The following NDUFV2 variants were observed in gnomAD, a reference collection of about 807,000 sequenced individuals.
NDUFV2 encodes the protein NADH:ubiquinone oxidoreductase core subunit V2.
NDUFV2 carries 18 observed loss-of-function variants against 31.6 expected under a neutral mutation model. The observed-to-expected ratio is 0.57, with a 90% CI of 0.39 to 0.84. NDUFV2 has a LOEUF of 0.84. NDUFV2 is among the 40% of genes least tolerant of loss of function. NDUFV2 has a pLI of 0.00. For synonymous variants in NDUFV2, 83 were observed against 99.8 expected, an observed-to-expected ratio of 0.83 and a Z score of 1.01; for missense variants, 314 against 303.6, an observed-to-expected ratio of 1.03 and a Z score of -0.26.
intron 1 of NDUFV2, among the ~76,000 whole-genome samples, chr18:9,106,983 TAG>T (rs1246618238): frequency 6.6e-6 from 1 of 151,442 alleles, no homozygotes; most frequent in Non-Finnish European, 1.5e-5. Context: ...TGGGCCCACC[TAG>T]ATAATCCAGG....
chr18:9,104,261 A>G lies in NDUFV2; in HGVS notation c.54+1464A>G, dbSNP rs376267029. 1.0e-4 allele frequency: 166 copies of G among 1,612,392 alleles called. No homozygotes were observed. The African/African-American group carries it at 1.5e-3, about 15-fold the overall frequency. On this transcript the variant is annotated intron_variant, in intron 1 of 7. Coordinates refer to ENST00000318388, the MANE Select transcript of NDUFV2 (RefSeq NM_021074.5). Reference sequence around the variant, plus strand: ...TTCCCAAATGAAATAAGGGAGAGACAGGGGCCAGATATTGGAGCTCCTGGC... The same window carrying G: ...TTCCCAAATGAAATAAGGGAGAGACGGGGGCCAGATATTGGAGCTCCTGGC...
At chr18:9,130,962 G>A (rs970238067) in intron 7 of NDUFV2, among the ~76,000 whole-genome samples, 4 of 152,162 alleles carry the variant, frequency 2.6e-5, no homozygotes, top group Admixed American at 1.3e-4. Flanking sequence ...CACCATGGGC[G>A]TTAGGGACAT....
intron 6 of NDUFV2, 194 bp from the exon 7 acceptor site, chr18:9,126,637 G>C: frequency 1.8e-6 from 1 of 544,994 alleles, no homozygotes; most frequent in Non-Finnish European, 3.4e-6. Flanking sequence ...GATTTCAGCC[G>C]TAGAAAGTAA....
chr18:9,116,455 CTAAGA>C (rs1250991266), intron 1 of NDUFV2, among the ~76,000 whole-genome samples: 2 of 152,102 alleles, frequency 1.3e-5, no homozygotes, highest in East Asian at 3.8e-4. Flanking sequence ...ATTTTCTGAG[CTAAGA>C]TGACAGTGAC....
intron 1 of NDUFV2, among the ~76,000 whole-genome samples, chr18:9,108,533 A>G (rs2077853062): frequency 6.6e-6 from 1 of 152,142 alleles, no homozygotes; most frequent in Non-Finnish European, 1.5e-5. Flanking sequence ...AGAGGAATAA[A>G]TGGATTATAG....
In NDUFV2 at chr18:9,119,311, G is replaced by GT; in HGVS notation, c.121-10dup. On this transcript the variant is annotated splice_polypyrimidine_tract_variant and intron_variant, in intron 2 of 7. Transcript: ENST00000318388. ...AGAATTTGGATAAGTCTGAAAAACT[G>GT]TTTTTGTTGTGTAGCACAGAGATAC... is the stretch of plus-strand genomic sequence containing the variant. 2 of 1,607,012 alleles carry GT rather than the reference G, an allele frequency of 1.2e-6. No homozygotes were observed. Among genetic ancestry groups the GT allele is most frequent in the Admixed American group, 1.7e-5 (1 of 59,994 alleles).
rs573060361 is a variant in NDUFV2 at position 9,104,809 on chromosome 18, TACAC to T, written c.54+2015_54+2018del. On this transcript the variant is annotated intron_variant, in intron 1 of 7. Transcript: ENST00000318388. ...GTTGATGAATAAGTTTAATTTTTAT[TACAC>T]ACGTCATACGTGTGTAGAAAAAACA... The T allele has an allele frequency of 1.2e-3, 1,057 of 905,812 alleles. 1 individual carries two copies. The highest frequency in any genetic ancestry group is 4.9e-3 in the African/African-American group (293 of 59,630). 56.1% of individuals were successfully genotyped at this position (905,812 alleles called of 1,614,324 possible).
At chr18:9,125,542 T>G (rs1200522591) in intron 6 of NDUFV2, among the ~76,000 whole-genome samples, 8 of 116,046 alleles carry the variant, frequency 6.9e-5, no homozygotes, top group Non-Finnish European at 1.4e-4. Context: ...AGCGTTTCTG[T>G]TTTTTTTTTG....
At chr18:9,121,997 A>G (rs555697690) in intron 4 of NDUFV2, among the ~76,000 whole-genome samples, 4 of 152,320 alleles carry the variant, frequency 2.6e-5, no homozygotes, top group South Asian at 2.1e-4. Flanking sequence ...TTGAGTTTAC[A>G]TATTTAAAAT....
intron 6 of NDUFV2, among the ~76,000 whole-genome samples, chr18:9,125,303 ATCAT>A: frequency 6.6e-6 from 1 of 152,288 alleles, no homozygotes; most frequent in East Asian, 1.9e-4. Context: ...CATCATCATC[ATCAT>A]TTGTAGAAAT....
In NDUFV2 at chr18:9,106,740, T is replaced by G. The variant is rs547703877; in HGVS notation, c.54+3943T>G. On this transcript the variant is annotated intron_variant, in intron 1 of 7. Transcript: ENST00000318388. The stretch of plus-strand genomic sequence containing the variant: ...TTCTGTAGGTTAAAAGTGACACAGG[T>G]CTCAGTGGGCTAAAATTAAAGTGTA... Among the ~76,000 whole-genome samples the G allele has an allele frequency of 2.0e-5, 3 of 152,324 alleles. No individual in the cohort carries two copies. The East Asian group carries it at 5.8e-4, about 29-fold the overall frequency.
At chr18:9,117,711 A>G (rs570659532) in intron 1 of NDUFV2, 127 bp from the exon 2 acceptor site, 1 of 655,434 alleles carries the variant, frequency 1.5e-6, no homozygotes, top group African/African-American at 1.8e-5. Flanking sequence ...AGGGTAGAAT[A>G]CCATATTTCT....
chr18:9,112,873 A>G (rs1385938198), intron 1 of NDUFV2: 2 of 152,376 alleles, frequency 1.3e-5, no homozygotes, highest in East Asian at 1.9e-4. Context: ...GTATATATAC[A>G]TAACAGTACA....
intron 1 of NDUFV2, among the ~76,000 whole-genome samples, chr18:9,110,963 A>G (rs996033886): frequency 2.6e-5 from 4 of 152,218 alleles, no homozygotes; most frequent in Non-Finnish European, 5.9e-5. Flanking sequence ...CAAGGATTAA[A>G]AAAAGATTAA....
At chr18:9,122,798 A>G in intron 5 of NDUFV2, 117 bp downstream of exon 5, 1 of 977,674 alleles carries the variant, frequency 1.0e-6, no homozygotes, top group Non-Finnish European at 1.6e-6. Context: ...GTACTTACCT[A>G]GTAATATTTT....
At chr18:9,122,794 AC>A in intron 5 of NDUFV2, 113 bp downstream of exon 5, 1 of 996,324 alleles carries the variant, frequency 1.0e-6, no homozygotes, top group Non-Finnish European at 1.5e-6. Flanking sequence ...ATCTGTACTT[AC>A]CTAGTAATAT....
rs2078065015 is a variant in NDUFV2, at chr18:9,134,238, C to G, written c.709C>G (p.Pro237Ala). 6 of 1,613,124 alleles carry G rather than the reference C, an allele frequency of 3.7e-6. No individual in the cohort carries two copies. The East Asian group carries it at 1.1e-4, about 30-fold the overall frequency. Residue 237 changes from proline (P) to alanine (A), a missense_variant, in exon 8 of 8, where the codon CCA (proline) becomes GCA (alanine). By Grantham distance (27) the Pro-to-Ala change is conservative. Transcript: ENST00000318388. ...PAGGLTSLTE[P>A]PKGPGFGVQA... ...TGGAGGTCTTACCTCTTTGACTGAA[C>G]CACCCAAGGGACCTGGATTTGGTGT...
chr18:9,128,547 A>G (rs1450325202), intron 7 of NDUFV2, among the ~76,000 whole-genome samples: 1 of 152,114 alleles, frequency 6.6e-6, no homozygotes, highest in East Asian at 1.9e-4. Context: ...GAGGTAAATC[A>G]TTTCCCTGGT....
chr18:9,125,549 T>G lies in NDUFV2; in HGVS notation c.579+566T>G, dbSNP rs1047624407. Among the ~76,000 whole-genome samples, 13 of 151,956 alleles carry G rather than the reference T, an allele frequency of 8.6e-5. 1 individual carries two copies. The highest frequency in any genetic ancestry group is 4.1e-4 in the South Asian group (2 of 4,836). On this transcript the variant is annotated intron_variant, in intron 6 of 7. Coordinates refer to ENST00000318388, the MANE Select transcript of NDUFV2 (RefSeq NM_021074.5). The stretch of plus-strand genomic sequence containing the variant: ...TTTGATTGAGCGTTTCTGTTTTTTT[T>G]TTGTTTTTCATTTTGATTTCTTTGA...
Sources: allele counts gnomAD v4.1 joint callset (sites outside exome capture counted in the v4.1 genomes callset), GRCh38; gene constraint gnomAD v4.1.1; transcripts MANE v1.5; gene names NCBI Gene and HGNC (gene_info 2026-07-23, HGNC 2026-07-21).